The following SF3B3 variants were observed in gnomAD, a reference collection of about 807,000 sequenced individuals.
SF3B3 encodes the protein SAP 130.
SF3B3 carries 33 observed loss-of-function variants against 139.2 expected under a neutral mutation model. That is an observed-to-expected ratio of 0.24 (90% confidence interval 0.18 to 0.32). SF3B3 has a LOEUF of 0.32. Among genes scored for constraint, SF3B3 ranks in the 10% least tolerant of loss-of-function variants. The pLI, the probability that SF3B3 is intolerant of heterozygous loss-of-function variation, is 1.00. For missense variants in SF3B3, 818 were observed against 1,509.4 expected (o/e 0.54, Z 7.59); for synonymous variants, 596 against 563.6 (o/e 1.06, Z -0.81).
intron 24 of SF3B3, among the ~76,000 whole-genome samples, 184 bp downstream of exon 24, chr16:70,570,333 G>GTTTTTTTTT (rs71151192): frequency 2.5e-5 from 3 of 121,810 alleles, no homozygotes; most frequent in Non-Finnish European, 3.3e-5. Flanking sequence ...AGGCCATTTG[G>GTTTTTTTTT]TTTTTTTTTT....
At chr16:70,549,700 C>T (rs4985411) in intron 11 of SF3B3, among the ~76,000 whole-genome samples, 1 of 151,970 alleles carries the variant, frequency 6.6e-6, no homozygotes, top group Non-Finnish European at 1.5e-5. Context: ...CCGAGGTGGG[C>T]GGATCATCTG....
intron 10 of SF3B3, 108 bp from the exon 11 acceptor site, chr16:70,548,262 G>C: frequency 1.2e-6 from 1 of 861,976 alleles, no homozygotes; most frequent in Non-Finnish European, 2.0e-6. Flanking sequence ...TTTAAATACA[G>C]CATACGTTGT....
intron 2 of SF3B3, 144 bp downstream of exon 2, chr16:70,526,870 A>C: frequency 4.7e-6 from 3 of 633,038 alleles, no homozygotes; most frequent in Non-Finnish European, 8.3e-6. Context: ...ATGAGGTGTT[A>C]AGTTCTGGTG....
At position 70,535,312 on chromosome 16, in the gene SF3B3, A is replaced by T. The variant is rs33910368; in HGVS notation, c.717A>T (p.Pro239=). 662,610 of 1,545,256 alleles carry T rather than the reference A, an allele frequency of 0.43. 146,864 individuals are homozygous for T. The highest frequency in any genetic ancestry group is 0.64 in the South Asian group (53,655 of 83,286). The change falls in exon 6 of 26, where the codon CCA becomes CCT. Residue 239 remains proline (P), a synonymous_variant. Coordinates refer to ENST00000302516, the MANE Select transcript of SF3B3 (RefSeq NM_012426.5). ...AAGTTTTATTTTCTCTCACAGTTCC[A>T]GGAGGGTCAGATGGTCCAAGTGGAG... ...EEHGNFLITV[P]GGSDGPSGVL...
At chr16:70,532,787 G>C (rs929770352) in intron 5 of SF3B3, among the ~76,000 whole-genome samples, 167 bp downstream of exon 5, 3 of 152,298 alleles carry the variant, frequency 2.0e-5, no homozygotes, top group Admixed American at 2.0e-4. Flanking sequence ...ATTTTAAAAA[G>C]TGTTGGGGAT....
At chr16:70,536,194 G>A (rs1035938858) in intron 6 of SF3B3, among the ~76,000 whole-genome samples, 1 of 150,844 alleles carries the variant, frequency 6.6e-6, no homozygotes, top group African/African-American at 2.4e-5. Context: ...TTGAGATGGA[G>A]TCTTGCTCTG....
rs1482725202 is a variant in SF3B3 at position 70,523,830 on chromosome 16, G to A, written c.-169G>A. ...GCCACCAGAATGTCCCTGTCTTGAG[G>A]TCTAATGGCGGACGCCAGTATGTTG... On this transcript the variant is annotated 5_prime_UTR_variant, in exon 1 of 26. Transcript: ENST00000302516. 3 of 551,272 alleles carry A rather than the reference G, an allele frequency of 5.4e-6. No homozygotes were observed. Among genetic ancestry groups the A allele is most frequent in the Non-Finnish European group, 9.6e-6 (3 of 313,914 alleles). The allele number at this position is 551,272 out of a possible 1,614,324, so 34.1% of individuals were successfully genotyped here.
Position 70,577,494 on chromosome 16 carries a change from C to T in SF3B3, c.*5681C>T, listed in dbSNP as rs569139017. On this transcript the variant is annotated 3_prime_UTR_variant, in exon 26 of 26. Transcript: ENST00000302516. ...TGTGTGTGACCTGTGTGGCCACTGC[C>T]TTGGGGACGGGTGAGGAGTTAGCCT... 6.6e-6 allele frequency: 1 copy of T among 152,332 alleles called. No homozygotes were observed. The highest frequency in any genetic ancestry group is 2.1e-4 in the South Asian group (1 of 4,822). 9.4% of individuals were successfully genotyped at this position (152,332 alleles called of 1,614,324 possible).
chr16:70,538,122 G>C (rs746001705), intron 6 of SF3B3: 2 of 719,924 alleles, frequency 2.8e-6, no homozygotes, highest in Non-Finnish European at 5.1e-6. Flanking sequence ...GGACTCTTTT[G>C]GTTACCCAGA....
In SF3B3 at chr16:70,541,775, C is replaced by A. The variant is rs2050220692; in HGVS notation, c.1174C>A (p.Leu392Ile). 2 of 1,614,182 alleles carry A rather than the reference C, an allele frequency of 1.2e-6. No homozygotes were observed. The highest frequency in any genetic ancestry group is 1.7e-6 in the Non-Finnish European group (2 of 1,180,008). Residue 392 changes from leucine to isoleucine, a missense_variant, in exon 9 of 26, where the codon CTT becomes ATT. Leu to Ile is a conservative substitution (Grantham distance 5). Transcript: ENST00000302516. ...CACATTCTTTTTTCAGCCAAGACCA[C>A]TTAAAAACCTTGTGCTGGTTGATGA... ...GDTFFFQPRP[L>I]KNLVLVDELD...
chr16:70,532,782 A>T (rs1233070463), intron 5 of SF3B3, among the ~76,000 whole-genome samples, 162 bp downstream of exon 5: 1 of 152,166 alleles, frequency 6.6e-6, no homozygotes, highest in Non-Finnish European at 1.5e-5. Flanking sequence ...GAGTGATTTT[A>T]AAAAGTGTTG....
Position 70,575,791 on chromosome 16 carries a change from C to G in SF3B3, c.*3978C>G, listed in dbSNP as rs765286402. 6.6e-6 allele frequency: 1 copy of G among 152,236 alleles called. No individual in the cohort carries two copies. The highest frequency in any genetic ancestry group is 1.5e-5 in the Non-Finnish European group (1 of 68,058). 9.4% of individuals were successfully genotyped at this position (152,236 alleles called of 1,614,324 possible). A position where few individuals can be genotyped will look rare whatever the true frequency, so the allele number is the denominator to read the frequency against. The stretch of plus-strand genomic sequence containing the variant: ...CAGGAAAAATCAGAAGGTCCCAAGT[C>G]TGAAAAATGAAGAGGTGGGGAGTGG... On this transcript the variant is annotated 3_prime_UTR_variant, in exon 26 of 26. Transcript: ENST00000302516.
intron 7 of SF3B3, among the ~76,000 whole-genome samples, chr16:70,538,811 A>G (rs2050192533): frequency 6.6e-6 from 1 of 152,192 alleles, no homozygotes; most frequent in Admixed American, 6.5e-5. Flanking sequence ...GCAATTTCTT[A>G]GATAGCTGTT....
rs1336434375 is a variant in SF3B3, at chr16:70,577,589, G to A, written c.*5776G>A. 1.3e-5 allele frequency: 2 copies of A among 152,212 alleles called. No homozygotes were observed. The highest frequency in any genetic ancestry group is 2.1e-4 in the South Asian group (1 of 4,830). The allele number at this position is 152,212 out of a possible 1,614,324, so 9.4% of individuals were successfully genotyped here. A position where few individuals can be genotyped will look rare whatever the true frequency, so the allele number is the denominator to read the frequency against. The stretch of plus-strand genomic sequence containing the variant: ...GCAAAACCAGGAATCCAGTTTTGTC[G>A]ATCCAATTGAGAAAACATTTCATGA... On this transcript the variant is annotated 3_prime_UTR_variant, in exon 26 of 26. Coordinates refer to ENST00000302516, the MANE Select transcript of SF3B3 (RefSeq NM_012426.5).
chr16:70,551,876 A>G (rs1343950499), intron 11 of SF3B3, among the ~76,000 whole-genome samples: 2 of 152,190 alleles, frequency 1.3e-5, no homozygotes, highest in African/African-American at 4.8e-5. Context: ...CATAAGAATT[A>G]ACCTGCTGCA....
chr16:70,555,572 G>T (rs1471751306), intron 13 of SF3B3, among the ~76,000 whole-genome samples: 1 of 151,362 alleles, frequency 6.6e-6, no homozygotes, highest in Non-Finnish European at 1.5e-5. Context: ...GTAATTTGAT[G>T]TCTAATTCTA....
At position 70,541,610 on chromosome 16, in the gene SF3B3, A is replaced by G. The variant is rs1425442223; in HGVS notation, c.1068-59A>G. The stretch of plus-strand genomic sequence containing the variant: ...AGCTTGTGCTTTATGTTGATGCCAG[A>G]CATTATCGTCAGGCAGAGAACTCGT... On this transcript the variant is annotated intron_variant, in intron 8 of 25. Coordinates refer to ENST00000302516, the MANE Select transcript of SF3B3 (RefSeq NM_012426.5). The G allele has an allele frequency of 1.2e-5, 16 of 1,388,508 alleles. No individual in the cohort carries two copies. In the Admixed American group the frequency reaches 2.9e-4, roughly 25 times the overall value. 86.0% of individuals were successfully genotyped at this position (1,388,508 alleles called of 1,614,324 possible). A position where few individuals can be genotyped will look rare whatever the true frequency, so the allele number is the denominator to read the frequency against.
In SF3B3 at chr16:70,571,640, A is replaced by AT. The variant is rs753601130; in HGVS notation, c.3514-25dup. 514 of 1,587,928 alleles carry AT rather than the reference A, an allele frequency of 3.2e-4. 3 individuals carry two copies. In the Middle Eastern group the frequency reaches 3.6e-3, roughly 11 times the overall value. ...TGCCATTTTCTTTGGGCATCTCACC[A>AT]TTTTTTTTCTTTCTGCTTTCTCCAT... On this transcript the variant is annotated intron_variant, in intron 25 of 25. Transcript: ENST00000302516.
intron 5 of SF3B3, among the ~76,000 whole-genome samples, chr16:70,533,030 A>C (rs2050135763): frequency 1.3e-5 from 2 of 152,242 alleles, no homozygotes; most frequent in South Asian, 4.1e-4. Flanking sequence ...AATATTTTTG[A>C]AGACGATTAC....
Sources: allele counts gnomAD v4.1 joint callset (sites outside exome capture counted in the v4.1 genomes callset), GRCh38; gene constraint gnomAD v4.1.1; transcripts MANE v1.5; gene names NCBI Gene and HGNC (gene_info 2026-07-23, HGNC 2026-07-21).